The following PRAMEF12 variants were observed in gnomAD, a reference collection of about 807,000 sequenced individuals.
PRAMEF12 encodes the protein PRAME family member 12.
Under a neutral mutation model 24.6 loss-of-function variants are expected in PRAMEF12, and 24 were observed. That is an observed-to-expected ratio of 0.98 (90% CI 0.71 to 1.37). PRAMEF12 has a LOEUF of 1.37. Among genes scored for constraint, PRAMEF12 ranks in the 40% most tolerant of loss-of-function variants. PRAMEF12 has a pLI of 0.00. For missense variants in PRAMEF12, 646 were observed against 580.3 expected, an observed-to-expected ratio of 1.11 and a Z score of -1.16; for synonymous variants, 286 against 242.6, an observed-to-expected ratio of 1.18 and a Z score of -1.66.
At chr1:12,775,355 C>A (rs1216401486) in intron 1 of PRAMEF12, among the ~76,000 whole-genome samples, 188 bp from the exon 2 acceptor site, 2 of 152,142 alleles carry the variant, frequency 1.3e-5, no homozygotes, top group South Asian at 2.1e-4. Context: ...GGATCAGGAA[C>A]CTGCCTCCTG....
In PRAMEF12 at chr1:12,773,767, G is replaced by A. The variant is rs1569696767; in HGVS notation, c.-1101G>A. Reference sequence around the variant, plus strand: ...CAAGGCGCTGACACCTGGAGCTACTGCTCGGTTCTCTGAGAGGTTGCAGCA... The same window carrying A: ...CAAGGCGCTGACACCTGGAGCTACTACTCGGTTCTCTGAGAGGTTGCAGCA... On this transcript the variant is annotated 5_prime_UTR_variant, in exon 1 of 3. Coordinates refer to ENST00000357726, the MANE Select transcript of PRAMEF12 (RefSeq NM_001080830.5). 6.6e-6 allele frequency among the ~76,000 whole-genome samples: 1 copy of A among 152,294 alleles called. No homozygotes were observed. The highest frequency in any genetic ancestry group is 1.9e-4 in the East Asian group (1 of 5,172).
In PRAMEF12 at chr1:12,777,264, A is replaced by T. The variant is rs1406375412; in HGVS notation, c.1117A>T (p.Ser373Cys). Residue 373 changes from serine (S) to cysteine (C), a missense_variant, in exon 3 of 3, where the codon AGC becomes TGC. By Grantham distance (112) the Ser-to-Cys change is moderately radical (BLOSUM62 -1). Coordinates refer to ENST00000357726, the MANE Select transcript of PRAMEF12 (RefSeq NM_001080830.5). Reference protein sequence around the residue: ...SQLSAILPALSRCSQLSTFSF... With the variant: ...SQLSAILPALCRCSQLSTFSF... Reference sequence around the variant, plus strand: ...ACTCAGCGCCATCCTGCCTGCCCTGAGCCGCTGCTCCCAGCTCAGCACCTT... The same window carrying T: ...ACTCAGCGCCATCCTGCCTGCCCTGTGCCGCTGCTCCCAGCTCAGCACCTT... 6.2e-7 allele frequency: 1 copy of T among 1,612,422 alleles called. No homozygotes were observed. Among genetic ancestry groups the T allele is most frequent in the South Asian group, 1.1e-5 (1 of 91,000 alleles).
intron 2 of PRAMEF12, among the ~76,000 whole-genome samples, chr1:12,776,324 G>T (rs1356715490): frequency 6.6e-6 from 1 of 152,066 alleles, no homozygotes. Context: ...GGATCTCCTG[G>T]GCTAGATGCT....
Position 12,777,849 on chromosome 1 carries a change from AC to A in PRAMEF12, c.*254del. ...GGTAGGAGAGACACATGAGACAGTT[AC>A]CCCTGCACGGATGGTTGTAAAGAAA... On this transcript the variant is annotated 3_prime_UTR_variant, in exon 3 of 3. Coordinates refer to ENST00000357726, the MANE Select transcript of PRAMEF12 (RefSeq NM_001080830.5). 1 of 542,942 alleles carries A rather than the reference AC, an allele frequency of 1.8e-6. No individual in the cohort carries two copies. The highest frequency in any genetic ancestry group is 4.9e-4 in the Middle Eastern group (1 of 2,032). 33.6% of individuals were successfully genotyped at this position (542,942 alleles called of 1,614,324 possible). A position where few individuals can be genotyped will look rare whatever the true frequency, so the allele number is the denominator to read the frequency against.
Position 12,777,658 on chromosome 1 carries a change from G to T in PRAMEF12, c.*59G>T. The T allele has an allele frequency of 6.3e-7, 1 of 1,576,704 alleles. No homozygotes were observed. The highest frequency in any genetic ancestry group is 8.7e-7 in the Non-Finnish European group (1 of 1,152,244). On this transcript the variant is annotated 3_prime_UTR_variant, in exon 3 of 3. Transcript: ENST00000357726. The stretch of plus-strand genomic sequence containing the variant: ...AGGCCATGAGTGTATGTCAAAGGGA[G>T]CACAGACCCATCGTTTCATATGCCT...
rs780781181 is a variant in PRAMEF12 at position 12,776,974 on chromosome 1, CA to C, written c.864-36del. 3 of 1,569,050 alleles carry C rather than the reference CA, an allele frequency of 1.9e-6. No individual in the cohort carries two copies. The South Asian group carries it at 3.6e-5, about 19-fold the overall frequency. On this transcript the variant is annotated intron_variant, in intron 2 of 2. Transcript: ENST00000357726. ...TCATCTCTCACCTTGAGGTCTTCCC[CA>C]CCACTCTCCTCTAACTCCTTCTTGT... is the stretch of plus-strand genomic sequence containing the variant.
rs536514903 is a variant in PRAMEF12, at chr1:12,777,141, A to T, written c.994A>T (p.Thr332Ser). Reference protein sequence around the residue: ...KELDLRGITLTHFSPEPLSVL... With the variant: ...KELDLRGITLSHFSPEPLSVL... ...GCTAGACCTGAGGGGCATCACACTG[A>T]CCCATTTCAGTCCTGAGCCCCTCTC... is the stretch of plus-strand genomic sequence containing the variant. The change falls in exon 3 of 3, where the codon ACC becomes TCC. Residue 332 changes from threonine to serine, a missense_variant. Thr to Ser is a moderately conservative substitution (Grantham distance 58). Transcript: ENST00000357726. 1 of 1,613,638 alleles carries T rather than the reference A, an allele frequency of 6.2e-7. No individual in the cohort carries two copies. The highest frequency in any genetic ancestry group is 8.5e-7 in the Non-Finnish European group (1 of 1,179,928).
In PRAMEF12 at chr1:12,777,682, C is replaced by T. The variant is rs1639078045; in HGVS notation, c.*83C>T. ...AGCACAGACCCATCGTTTCATATGC[C>T]TGCTCAATGTGAACCGGAAAGGAAA... On this transcript the variant is annotated 3_prime_UTR_variant, in exon 3 of 3. Transcript: ENST00000357726. 6.7e-7 allele frequency: 1 copy of T among 1,486,386 alleles called. No individual in the cohort carries two copies. 92.1% of individuals were successfully genotyped at this position (1,486,386 alleles called of 1,614,324 possible).
chr1:12,774,777 C>T lies in PRAMEF12; in HGVS notation c.-91C>T. On this transcript the variant is annotated 5_prime_UTR_variant, in exon 1 of 3. Coordinates refer to ENST00000357726, the MANE Select transcript of PRAMEF12 (RefSeq NM_001080830.5). ...TTGGGGTGAACTAATTACCTTTCCACCTCTACCAGAGCAATGACATTGGCA... is the reference window on the plus strand; with the variant it reads ...TTGGGGTGAACTAATTACCTTTCCATCTCTACCAGAGCAATGACATTGGCA... 3.0e-6 allele frequency: 4 copies of T among 1,321,108 alleles called. No homozygotes were observed. Among genetic ancestry groups the T allele is most frequent in the Non-Finnish European group, 4.2e-6 (4 of 958,398 alleles). The allele number at this position is 1,321,108 out of a possible 1,614,324, so 81.8% of individuals were successfully genotyped here.
Position 12,775,694 on chromosome 1 carries a change from G to T in PRAMEF12, c.439G>T (p.Val147Leu). The change falls in exon 2 of 3, where the codon GTG (valine) becomes TTG (leucine). Residue 147 changes from valine (V) to leucine (L), a missense_variant. Transcript: ENST00000357726. ...PRPGGQQPLM[V>L]ILDLCFKNGT... is the part of the protein sequence containing the mutation. ...GCCGGGTGGGCAGCAGCCCTTGATG[G>T]TGATCCTAGACCTTTGCTTCAAGAA... 1 of 1,613,920 alleles carries T rather than the reference G, an allele frequency of 6.2e-7. No homozygotes were observed. Among genetic ancestry groups the T allele is most frequent in the Non-Finnish European group, 8.5e-7 (1 of 1,179,986 alleles).
Position 12,775,805 on chromosome 1 carries a change from C to A in PRAMEF12, c.550C>A (p.Gln184Lys). Residue 184 changes from glutamine to lysine, a missense_variant, in exon 2 of 3, where the codon CAG (glutamine) becomes AAG (lysine). By Grantham distance (53) the Gln-to-Lys change is moderately conservative. Transcript: ENST00000357726. The stretch of plus-strand genomic sequence containing the variant: ...ACTGCACGTGTGTTGCAAGGAGCTG[C>A]AGATTTTTGGAATAGCCATCCACAG... ...GLLHVCCKEL[Q>K]IFGIAIHRII... 1 of 1,613,924 alleles carries A rather than the reference C, an allele frequency of 6.2e-7. No homozygotes were observed. The highest frequency in any genetic ancestry group is 2.2e-5 in the East Asian group (1 of 44,838).
rs1274750366 is a variant in PRAMEF12 at position 12,777,235 on chromosome 1, C to T, written c.1088C>T (p.Ser363Phe). 1 of 1,612,574 alleles carries T rather than the reference C, an allele frequency of 6.2e-7. No individual in the cohort carries two copies. Among genetic ancestry groups the T allele is most frequent in the East Asian group, 2.2e-5 (1 of 44,870 alleles). Residue 363 changes from serine to phenylalanine, a missense_variant, in exon 3 of 3, where the codon TCC becomes TTC. Ser to Phe is a radical substitution (Grantham distance 155). Coordinates refer to ENST00000357726, the MANE Select transcript of PRAMEF12 (RefSeq NM_001080830.5). ...LDLEDCGIVD[S>F]QLSAILPALS... Reference sequence around the variant, plus strand: ...TTAGAGGACTGTGGGATCGTGGATTCCCAACTCAGCGCCATCCTGCCTGCC... The same window carrying T: ...TTAGAGGACTGTGGGATCGTGGATTTCCAACTCAGCGCCATCCTGCCTGCC...
In PRAMEF12 at chr1:12,777,631, C is replaced by A; in HGVS notation, c.*32C>A. Reference sequence around the variant, plus strand: ...CTTCTGGTCATTTGGCAACTGAATCCTAGGCCATGAGTGTATGTCAAAGGG... The same window carrying A: ...CTTCTGGTCATTTGGCAACTGAATCATAGGCCATGAGTGTATGTCAAAGGG... On this transcript the variant is annotated 3_prime_UTR_variant, in exon 3 of 3. Transcript: ENST00000357726. 6.2e-7 allele frequency: 1 copy of A among 1,610,596 alleles called. No homozygotes were observed. Among genetic ancestry groups the A allele is most frequent in the Non-Finnish European group, 8.5e-7 (1 of 1,177,444 alleles).
intron 2 of PRAMEF12, among the ~76,000 whole-genome samples, chr1:12,776,532 G>A (rs1329719682): frequency 1.3e-5 from 2 of 152,156 alleles, no homozygotes; most frequent in Non-Finnish European, 2.9e-5. Context: ...CTAGTGAACA[G>A]GTAAAATCCT....
At chr1:12,776,609 G>C (rs924494788) in intron 2 of PRAMEF12, among the ~76,000 whole-genome samples, 1 of 152,174 alleles carries the variant, frequency 6.6e-6, no homozygotes, top group East Asian at 1.9e-4. Context: ...TGAGGGAGCA[G>C]GAGTGAAGAA....
chr1:12,775,084 T>G lies in PRAMEF12; in HGVS notation c.217T>G (p.Cys73Gly). 1 of 1,614,152 alleles carries G rather than the reference T, an allele frequency of 6.2e-7. No homozygotes were observed. The highest frequency in any genetic ancestry group is 8.5e-7 in the Non-Finnish European group (1 of 1,180,000). ...CLPLGSLMKS[C>G]NLEIFRAVLE... is the part of the protein sequence containing the mutation. ...TCCTCTAGGGTCCCTGATGAAGTCA[T>G]GTAATCTAGAGATCTTTCGAGCTGT... Residue 73 changes from cysteine to glycine, a missense_variant, in exon 1 of 3, where the codon TGT (cysteine) becomes GGT (glycine). By Grantham distance (159) the Cys-to-Gly change is radical. Coordinates refer to ENST00000357726, the MANE Select transcript of PRAMEF12 (RefSeq NM_001080830.5).
At position 12,775,106 on chromosome 1, in the gene PRAMEF12, C is replaced by A. The variant is rs1057260574; in HGVS notation, c.239C>A (p.Ala80Asp). 5.0e-6 allele frequency: 8 copies of A among 1,613,930 alleles called. No individual in the cohort carries two copies. The African/African-American group carries it at 1.1e-4, about 22-fold the overall frequency. Residue 80 changes from alanine (A) to aspartate (D), a missense_variant, in exon 1 of 3, where the codon GCT (alanine) becomes GAT (aspartate). Physicochemically the swap from Ala to Asp is moderately radical, Grantham distance 126 (BLOSUM62 -2). Transcript: ENST00000357726. ...MKSCNLEIFR[A>D]VLEGLDALLA... is the part of the protein sequence containing the mutation. ...TCATGTAATCTAGAGATCTTTCGAG[C>A]TGTGCTGGAGGGGCTTGATGCACTG... is the stretch of plus-strand genomic sequence containing the variant.
Position 12,777,375 on chromosome 1 carries a change from C to A in PRAMEF12, c.1228C>A (p.Leu410Met), listed in dbSNP as rs1345089222. ...TVGLSKLSLE[L>M]YPAPLESYDA... ...CGGGCTGAGCAAGCTAAGCCTGGAG[C>A]TGTATCCTGCCCCTCTGGAGAGTTA... Residue 410 changes from leucine to methionine, a missense_variant, in exon 3 of 3, where the codon CTG becomes ATG. Physicochemically the swap from Leu to Met is conservative, Grantham distance 15. Transcript: ENST00000357726. 1.9e-6 allele frequency: 3 copies of A among 1,613,750 alleles called. No individual in the cohort carries two copies. The Admixed American group carries it at 5.0e-5, about 27-fold the overall frequency.
Position 12,775,531 on chromosome 1 carries a change from T to A in PRAMEF12, c.288-12T>A. On this transcript the variant is annotated splice_polypyrimidine_tract_variant and intron_variant, in intron 1 of 2. Coordinates refer to ENST00000357726, the MANE Select transcript of PRAMEF12 (RefSeq NM_001080830.5). ...TCCTAAATTTGGAGCCTCTCTTCTC[T>A]TTTACCCACAGGCGGTGGAAACTTC... 6.3e-7 allele frequency: 1 copy of A among 1,598,974 alleles called. No homozygotes were observed. Among genetic ancestry groups the A allele is most frequent in the South Asian group, 1.1e-5 (1 of 89,488 alleles).
Sources: gnomAD v4.1 joint callset for allele counts (sites outside exome capture counted in the v4.1 genomes callset) on GRCh38, gnomAD v4.1.1 for gene constraint, MANE v1.5 for transcripts, NCBI Gene and HGNC (gene_info 2026-07-23, HGNC 2026-07-21) for gene names.